LRRC36: variants seen among roughly 807,000 people sequenced by gnomAD.
LRRC36 encodes leucine-rich repeat-containing protein 36.
In LRRC36, 62 loss-of-function variants were observed where a neutral mutation model predicts 81.1. The observed-to-expected ratio is 0.76, with a 90% confidence interval of 0.62 to 0.94. LRRC36 has a LOEUF of 0.94. Ranked by LOEUF, LRRC36 falls within the 40% of genes least tolerant of loss-of-function variation. LRRC36 has a pLI of 0.00. For missense variants in LRRC36, 761 were observed against 881.7 expected, an observed-to-expected ratio of 0.86 and a Z score of 1.73; for synonymous variants, 334 against 348.6, an observed-to-expected ratio of 0.96 and a Z score of 0.47.
intron 1 of LRRC36, among the ~76,000 whole-genome samples, chr16:67,338,865 ATTTTTTTTTTTTTTTTTTTTTT>A (rs71145967): frequency 0.011 from 502 of 45,384 alleles, 6 homozygotes; most frequent in African/African-American, 0.036. Flanking sequence ...TGGAAGCTGA[ATTTTTTTTTTTTTTTTTTTTTT>A]TTTTTTTTTT....
intron 4 of LRRC36, among the ~76,000 whole-genome samples, chr16:67,347,992 A>G (rs1459574810): frequency 6.6e-6 from 1 of 152,242 alleles, no homozygotes; most frequent in African/African-American, 2.4e-5. Context: ...AATTTGTTAA[A>G]GGAAGGGAAG....
chr16:67,364,598 A>G (rs1216809210), intron 6 of LRRC36, among the ~76,000 whole-genome samples: 1 of 152,200 alleles, frequency 6.6e-6, no homozygotes, highest in Non-Finnish European at 1.5e-5. Flanking sequence ...TGACTTAGAA[A>G]CAATCTCAGT....
chr16:67,358,166 G>GTTT (rs35944413), intron 5 of LRRC36, among the ~76,000 whole-genome samples: 117 of 137,378 alleles, frequency 8.5e-4, no homozygotes, highest in Middle Eastern at 7.5e-3. Context: ...CAAGGCATCA[G>GTTT]TTTTTTTTTT....
At chr16:67,360,182 T>C (rs957758000) in intron 5 of LRRC36, among the ~76,000 whole-genome samples, 16 of 151,404 alleles carry the variant, frequency 1.1e-4, no homozygotes, top group South Asian at 2.1e-4. Context: ...CAGGTACTCA[T>C]TGGGGGCTGT....
At position 67,385,149 on chromosome 16, in the gene LRRC36, C is replaced by A; in HGVS notation, c.*60C>A. 1 of 1,265,770 alleles carries A rather than the reference C, an allele frequency of 7.9e-7. No homozygotes were observed. The highest frequency in any genetic ancestry group is 1.1e-6 in the Non-Finnish European group (1 of 871,118). 78.4% of individuals were successfully genotyped at this position (1,265,770 alleles called of 1,614,324 possible). On this transcript the variant is annotated 3_prime_UTR_variant, in exon 14 of 14. Coordinates refer to ENST00000329956, the MANE Select transcript of LRRC36 (RefSeq NM_018296.6). ...TCCACAGAGGCTCTCACCGCCATTG[C>A]CACCAGTATGGTGGTATGTACTCAC...
chr16:67,360,898 A>G (rs1597471598), intron 5 of LRRC36, among the ~76,000 whole-genome samples: 1 of 152,214 alleles, frequency 6.6e-6, no homozygotes, highest in East Asian at 1.9e-4. Context: ...ATCCTGCTGG[A>G]AAAAAATTCC....
chr16:67,383,021 C>T (rs982989308), intron 13 of LRRC36, among the ~76,000 whole-genome samples: 5 of 142,470 alleles, frequency 3.5e-5, no homozygotes, highest in South Asian at 4.4e-4. Context: ...AGCAGCAAGC[C>T]GAGATCGCGC....
intron 1 of LRRC36, among the ~76,000 whole-genome samples, chr16:67,333,280 T>A (rs2037586724): frequency 6.6e-6 from 1 of 152,060 alleles, no homozygotes; most frequent in Admixed American, 6.6e-5. Context: ...TGCAGGCACG[T>A]CCCACCATAC....
chr16:67,377,019 G>A (rs1244009002), intron 11 of LRRC36, 147 bp downstream of exon 11: 4 of 818,258 alleles, frequency 4.9e-6, no homozygotes, highest in African/African-American at 1.7e-5. Context: ...CTAGGACAGG[G>A]ACAACTTGGA....
At chr16:67,382,831 A>C (rs541980159) in intron 13 of LRRC36, among the ~76,000 whole-genome samples, 1 of 152,218 alleles carries the variant, frequency 6.6e-6, no homozygotes, top group South Asian at 2.1e-4. Context: ...AAAATAAAAA[A>C]ATTAGCTGGG....
chr16:67,363,813 GT>G, intron 6 of LRRC36, 99 bp downstream of exon 6: 2 of 1,347,940 alleles, frequency 1.5e-6, no homozygotes, highest in Admixed American at 4.0e-5. Context: ...CAGAGGACTT[GT>G]TTGATGAAGG....
intron 5 of LRRC36, among the ~76,000 whole-genome samples, chr16:67,351,821 C>A (rs1388379514): frequency 3.3e-5 from 5 of 152,112 alleles, no homozygotes; most frequent in African/African-American, 1.2e-4. Flanking sequence ...TTTTAAATAG[C>A]ATTTTTAATA....
intron 13 of LRRC36, 43 bp from the exon 14 acceptor site, chr16:67,384,827 T>C: frequency 6.5e-7 from 1 of 1,530,410 alleles, no homozygotes; most frequent in Non-Finnish European, 9.0e-7. Context: ...GTATCTCTCT[T>C]GCTTTTATGA....
chr16:67,345,965 T>C (rs1052752744), intron 2 of LRRC36, among the ~76,000 whole-genome samples: 4 of 152,110 alleles, frequency 2.6e-5, no homozygotes, highest in Non-Finnish European at 5.9e-5. Context: ...GGGAGAATAA[T>C]TGGAGAGCCA....
At chr16:67,378,342 C>T (rs898393765) in intron 11 of LRRC36, among the ~76,000 whole-genome samples, 3 of 149,404 alleles carry the variant, frequency 2.0e-5, no homozygotes, top group African/African-American at 7.5e-5. Context: ...CAGGTTCAAG[C>T]AATTCTCCTG....
At chr16:67,360,943 TC>T (rs11452705) in intron 5 of LRRC36, among the ~76,000 whole-genome samples, 1 of 151,918 alleles carries the variant, frequency 6.6e-6, no homozygotes, top group Non-Finnish European at 1.5e-5. Context: ...TTCATTCAAG[TC>T]CCCCCAGAAG....
intron 12 of LRRC36, among the ~76,000 whole-genome samples, chr16:67,381,079 C>T (rs1372879668): frequency 6.6e-6 from 1 of 151,872 alleles, no homozygotes; most frequent in Non-Finnish European, 1.5e-5. Flanking sequence ...CAAAAATTAG[C>T]AGGGCGTGGT....
In LRRC36 at chr16:67,378,235, C is replaced by CTTTTTTTTTTTTTTT. The variant is rs1015471341; in HGVS notation, c.1807-346_1807-332dup. On this transcript the variant is annotated intron_variant, in intron 11 of 13. Transcript: ENST00000329956. Reference sequence around the variant, plus strand: ...TAAACACACCTTAGCATGTCAGATTCTTTTTTTTTTTTTTTTTTTTTTGAG... The same window carrying CTTTTTTTTTTTTTTT: ...TAAACACACCTTAGCATGTCAGATTCTTTTTTTTTTTTTTTTTTTTTTTTTTTTTTTTTTTTTGAG... Among the ~76,000 whole-genome samples the CTTTTTTTTTTTTTTT allele has an allele frequency of 6.7e-4, 67 of 100,484 alleles. 11 individuals are homozygous for CTTTTTTTTTTTTTTT. The highest frequency in any genetic ancestry group is 2.2e-3 in the African/African-American group (46 of 21,082). 65.9% of individuals were successfully genotyped at this position (100,484 alleles called of 152,430 possible). A position where few individuals can be genotyped will look rare whatever the true frequency, so the allele number is the denominator to read the frequency against.
At chr16:67,352,408 C>G (rs1289497112) in intron 5 of LRRC36, among the ~76,000 whole-genome samples, 2 of 152,156 alleles carry the variant, frequency 1.3e-5, no homozygotes, top group Non-Finnish European at 2.9e-5. Flanking sequence ...CTCAGTTGTT[C>G]CCAATGGTGT....
Sources: allele counts gnomAD v4.1 joint callset (sites outside exome capture counted in the v4.1 genomes callset), GRCh38; gene constraint gnomAD v4.1.1; transcripts MANE v1.5; gene names NCBI Gene and HGNC (gene_info 2026-07-23, HGNC 2026-07-21).